Variants in SETBP1 observed in about 807,000 individuals in gnomAD.
The protein encoded by SETBP1 is SET-binding protein.
Under a neutral mutation model 101.0 loss-of-function variants are expected in SETBP1, and 9 were observed. That is an observed-to-expected ratio of 0.09 (90% CI 0.05 to 0.16). The LOEUF (loss-of-function observed/expected upper bound fraction) is 0.16. Among genes scored for constraint, SETBP1 ranks in the 10% least tolerant of loss-of-function variants. The probability of loss-of-function intolerance (pLI) is 1.00; values close to 1 mark genes in which losing one functional copy is unlikely to be tolerated. For synonymous variants in SETBP1, 818 were observed against 788.5 expected (o/e 1.04, Z -0.63); for missense variants, 1,858 against 2,033.8 (o/e 0.91, Z 1.66).
intron 5 of SETBP1, among the ~76,000 whole-genome samples, chr18:45,040,888 T>C (rs1251223689): frequency 6.6e-6 from 1 of 152,218 alleles, no homozygotes; most frequent in African/African-American, 2.4e-5. Context: ...TCCGGGTCTC[T>C]GGCTGTTGAG....
chr18:44,836,514 C>CACTCCACTCT (rs1293208169), intron 2 of SETBP1, among the ~76,000 whole-genome samples: 28 of 152,154 alleles, frequency 1.8e-4, no homozygotes, highest in Non-Finnish European at 3.8e-4. Flanking sequence ...CACTCTACTC[C>CACTCCACTCT]ACTCCACTCT....
At chr18:44,884,689 A>G (rs1399514935) in intron 3 of SETBP1, among the ~76,000 whole-genome samples, 1 of 152,204 alleles carries the variant, frequency 6.6e-6, no homozygotes, top group Non-Finnish European at 1.5e-5. Flanking sequence ...AAGAGATGAC[A>G]CATGGCAAAT....
In SETBP1 at chr18:44,705,350, T is replaced by C. The variant is rs371959091; in HGVS notation, c.486+3518T>C. On this transcript the variant is annotated intron_variant, in intron 2 of 5. Coordinates refer to ENST00000649279, the MANE Select transcript of SETBP1 (RefSeq NM_015559.3). ...AGTTGAGTTGTTGTGACAGAGGTACTATGACCTTCAAAGATTCAACTATTT... is the reference window on the plus strand; with the variant it reads ...AGTTGAGTTGTTGTGACAGAGGTACCATGACCTTCAAAGATTCAACTATTT... Among the ~76,000 whole-genome samples the C allele has an allele frequency of 6.6e-5, 10 of 152,358 alleles. No homozygotes were observed. In the South Asian group the frequency reaches 1.4e-3, roughly 22 times the overall value.
chr18:44,787,860 C>CAAAAAAAAAAAAAAAAAAAAA, intron 2 of SETBP1, among the ~76,000 whole-genome samples: 6 of 9,208 alleles, frequency 6.5e-4, no homozygotes, highest in South Asian at 8.2e-3. Flanking sequence ...GAGTCCGTCT[C>CAAAAAAAAAAAAAAAAAAAAA]AAAAAAAAAA....
chr18:44,816,931 A>C (rs2071991373), intron 2 of SETBP1, among the ~76,000 whole-genome samples: 1 of 152,202 alleles, frequency 6.6e-6, no homozygotes, highest in Non-Finnish European at 1.5e-5. Flanking sequence ...GTATCCAGCC[A>C]GCGATTTAGG....
intron 4 of SETBP1, among the ~76,000 whole-genome samples, chr18:45,028,958 G>A (rs866412464): frequency 2.0e-5 from 3 of 152,220 alleles, no homozygotes; most frequent in East Asian, 3.9e-4. Flanking sequence ...CCATTTTGTA[G>A]GTTGCCTGTT....
At chr18:44,800,554 T>C (rs1408066968) in intron 2 of SETBP1, among the ~76,000 whole-genome samples, 25 of 152,168 alleles carry the variant, frequency 1.6e-4, no homozygotes, top group Admixed American at 1.5e-3. Context: ...GCTTTCCTGA[T>C]GCATCTGTGC....
chr18:44,746,922 A>AACAGGT (rs2070266421), intron 2 of SETBP1, among the ~76,000 whole-genome samples: 1 of 152,194 alleles, frequency 6.6e-6, no homozygotes, highest in Non-Finnish European at 1.5e-5. Context: ...AAAGGTGAGG[A>AACAGGT]ACAGGTAGGG....
chr18:44,709,480 T>C (rs905695774), intron 2 of SETBP1, among the ~76,000 whole-genome samples: 19 of 152,182 alleles, frequency 1.2e-4, no homozygotes, highest in Non-Finnish European at 2.5e-4. Flanking sequence ...AGACTTAACC[T>C]CTTGAAACGT....
intron 4 of SETBP1, among the ~76,000 whole-genome samples, chr18:45,031,437 A>C (rs186423182): frequency 3.1e-4 from 47 of 152,294 alleles, no homozygotes; most frequent in African/African-American, 9.1e-4. Context: ...AGATGAAAAA[A>C]ATTGAGGCAT....
chr18:44,980,697 G>C (rs1241375983), intron 4 of SETBP1, among the ~76,000 whole-genome samples: 1 of 152,132 alleles, frequency 6.6e-6, no homozygotes, highest in Non-Finnish European at 1.5e-5. Flanking sequence ...GGCACAGAAG[G>C]TGCAGGCCTC....
intron 1 of SETBP1, among the ~76,000 whole-genome samples, chr18:44,691,786 G>T (rs2068938270): frequency 6.6e-6 from 1 of 152,172 alleles, no homozygotes; most frequent in Admixed American, 6.5e-5. Context: ...AAGGGCTTCT[G>T]GTTGAGGAGA....
At chr18:44,877,782 A>T (rs904609608) in intron 3 of SETBP1, among the ~76,000 whole-genome samples, 2 of 151,846 alleles carry the variant, frequency 1.3e-5, no homozygotes, top group Non-Finnish European at 2.9e-5. Context: ...TTTTTTAACC[A>T]GTATTGGCAT....
intron 2 of SETBP1, among the ~76,000 whole-genome samples, chr18:44,799,156 A>T (rs1208035663): frequency 4.6e-5 from 7 of 152,202 alleles, no homozygotes; most frequent in African/African-American, 1.7e-4. Flanking sequence ...CAGAATTATG[A>T]CTGTCATTAA....
In SETBP1 at chr18:44,700,651, A is replaced by C. The variant is rs2069099896; in HGVS notation, c.-172-524A>C. Among the ~76,000 whole-genome samples the C allele has an allele frequency of 1.3e-5, 2 of 152,198 alleles. 1 individual carries two copies. Among genetic ancestry groups the C allele is most frequent in the South Asian group, 4.1e-4 (2 of 4,834 alleles). ...TGCATAGTGAAAAATGATAAAGGTA[A>C]AATGGTTAAGAGATAGGCTGAATGC... On this transcript the variant is annotated intron_variant, in intron 1 of 5. Transcript: ENST00000649279.
At chr18:44,989,765 A>C (rs934313684) in intron 4 of SETBP1, among the ~76,000 whole-genome samples, 2 of 146,372 alleles carry the variant, frequency 1.4e-5, no homozygotes, top group African/African-American at 2.5e-5. Flanking sequence ...GCTACTTGGG[A>C]GGCTGAGGCA....
At chr18:44,740,957 G>A (rs771206257) in intron 2 of SETBP1, among the ~76,000 whole-genome samples, 1 of 152,158 alleles carries the variant, frequency 6.6e-6, no homozygotes, top group Non-Finnish European at 1.5e-5. Context: ...GAAATATGGA[G>A]GCCTGCTATA....
At chr18:44,956,595 G>T (rs1351913738) in intron 4 of SETBP1, among the ~76,000 whole-genome samples, 1 of 152,114 alleles carries the variant, frequency 6.6e-6, no homozygotes, top group East Asian at 1.9e-4. Context: ...TTTCACATGA[G>T]CTATTCTTCT....
At chr18:44,787,256 T>C (rs1192831767) in intron 2 of SETBP1, among the ~76,000 whole-genome samples, 1 of 152,348 alleles carries the variant, frequency 6.6e-6, no homozygotes, top group Non-Finnish European at 1.5e-5. Context: ...TATCATACAG[T>C]AGCAGTAATT....
Sources: gnomAD v4.1 joint callset for allele counts (sites outside exome capture counted in the v4.1 genomes callset) on GRCh38, gnomAD v4.1.1 for gene constraint, MANE v1.5 for transcripts, NCBI Gene and HGNC (gene_info 2026-07-23, HGNC 2026-07-21) for gene names.